GTF2F2: variants seen among roughly 807,000 people sequenced by gnomAD.
GTF2F2 encodes the protein general transcription factor IIF subunit 2.
A neutral mutation model predicts 42.2 loss-of-function variants in GTF2F2; 23 were observed. The observed-to-expected ratio is 0.55, with a 90% CI of 0.39 to 0.77. The LOEUF is 0.77. Ranked by LOEUF, GTF2F2 falls within the 30% of genes least tolerant of loss-of-function variation. GTF2F2 has a pLI of 0.00. For synonymous variants in GTF2F2, 105 were observed against 100.8 expected, an observed-to-expected ratio of 1.04 and a Z score of -0.25; for missense variants, 261 against 287.2, an observed-to-expected ratio of 0.91 and a Z score of 0.66.
intron 4 of GTF2F2, chr13:45,206,456 T>G (rs984895887): frequency 6.6e-6 from 1 of 152,184 alleles, no homozygotes; most frequent in Non-Finnish European, 1.5e-5. Flanking sequence ...TTTGCTAATG[T>G]TAGTGGAATG....
chr13:45,237,301 A>T (rs999004500), intron 5 of GTF2F2, among the ~76,000 whole-genome samples: 7 of 152,196 alleles, frequency 4.6e-5, no homozygotes, highest in African/African-American at 1.4e-4. Flanking sequence ...ATCAGAAGAG[A>T]TAGTGCTTTC....
chr13:45,238,136 A>G (rs1385951750), intron 5 of GTF2F2, among the ~76,000 whole-genome samples: 1 of 152,038 alleles, frequency 6.6e-6, no homozygotes, highest in East Asian at 1.9e-4. Context: ...TGCATATTTA[A>G]TAGAGAAGAG....
At chr13:45,136,107 C>A (rs1869605955) in intron 1 of GTF2F2, among the ~76,000 whole-genome samples, 1 of 152,172 alleles carries the variant, frequency 6.6e-6, no homozygotes, top group South Asian at 2.1e-4. Flanking sequence ...AATTGTATAA[C>A]CTTGAGTAAA....
chr13:45,259,336 G>A (rs1313568021), intron 6 of GTF2F2, among the ~76,000 whole-genome samples: 1 of 152,126 alleles, frequency 6.6e-6, no homozygotes, highest in African/African-American at 2.4e-5. Context: ...TGAGGCAGGA[G>A]AATTGCTTGA....
intron 5 of GTF2F2, among the ~76,000 whole-genome samples, chr13:45,213,662 T>G (rs1019066763): frequency 2.7e-5 from 4 of 147,294 alleles, no homozygotes; most frequent in African/African-American, 1.0e-4. Flanking sequence ...CCCTGTCTCC[T>G]TTCCTTCCTT....
chr13:45,140,927 G>A (rs1328347198), intron 2 of GTF2F2, among the ~76,000 whole-genome samples: 4 of 152,186 alleles, frequency 2.6e-5, no homozygotes, highest in Admixed American at 6.5e-5. Context: ...CTGAATGGCT[G>A]TTGATAGTTG....
At chr13:45,228,687 T>TTTTTTTTTTTTA (rs1874504585) in intron 5 of GTF2F2, among the ~76,000 whole-genome samples, 1 of 148,938 alleles carries the variant, frequency 6.7e-6, no homozygotes, top group South Asian at 2.1e-4. Context: ...TTTTTTTTTT[T>TTTTTTTTTTTTA]GAGACGGAGT....
At chr13:45,131,254 A>G (rs979038281) in intron 1 of GTF2F2, among the ~76,000 whole-genome samples, 9 of 151,858 alleles carry the variant, frequency 5.9e-5, no homozygotes, top group African/African-American at 2.2e-4. Context: ...GGATCCAAGG[A>G]CTGAATCCAG....
intron 2 of GTF2F2, among the ~76,000 whole-genome samples, chr13:45,142,984 T>C (rs1452702036): frequency 2.6e-5 from 4 of 152,204 alleles, no homozygotes; most frequent in Admixed American, 2.6e-4. Flanking sequence ...CTCCTTACTT[T>C]GCCAGTCAGC....
chr13:45,203,550 A>G (rs1025267066), intron 4 of GTF2F2, among the ~76,000 whole-genome samples: 3 of 152,166 alleles, frequency 2.0e-5, no homozygotes, highest in African/African-American at 7.2e-5. Context: ...TTACAACTTA[A>G]CTTTATATCA....
At position 45,207,532 on chromosome 13, in the gene GTF2F2, T is replaced by TA. The variant is rs750761893; in HGVS notation, c.386+28dup. On this transcript the variant is annotated intron_variant, in intron 5 of 7. Transcript: ENST00000340473. ...TTGGTGTTTTGTAACTCCAGAATGA[T>TA]ACCTGATATTTCCCTTTGGGGATTG... The TA allele has an allele frequency of 5.3e-6, 7 of 1,328,910 alleles. No homozygotes were observed. In the Admixed American group the frequency reaches 1.2e-4, roughly 22 times the overall value. 82.3% of individuals were successfully genotyped at this position (1,328,910 alleles called of 1,614,324 possible). A position where few individuals can be genotyped will look rare whatever the true frequency, so the allele number is the denominator to read the frequency against.
At chr13:45,282,190 C>T (rs531492174) in intron 7 of GTF2F2, among the ~76,000 whole-genome samples, 21 of 151,984 alleles carry the variant, frequency 1.4e-4, no homozygotes, top group African/African-American at 5.1e-4. Context: ...AAGAGCAAAA[C>T]TCCATCTCAA....
intron 5 of GTF2F2, among the ~76,000 whole-genome samples, chr13:45,225,880 C>T (rs764233961): frequency 6.6e-6 from 1 of 151,828 alleles, no homozygotes; most frequent in Non-Finnish European, 1.5e-5. Context: ...ATTTTGTTTC[C>T]TCATTGTTTG....
intron 7 of GTF2F2, among the ~76,000 whole-genome samples, chr13:45,276,388 A>C (rs1462602571): frequency 7.9e-5 from 12 of 152,018 alleles, no homozygotes; most frequent in Non-Finnish European, 1.8e-4. Flanking sequence ...TTGGGAGTGG[A>C]ATTGTTCGGT....
chr13:45,280,054 TTC>T (rs1877198319), intron 7 of GTF2F2, among the ~76,000 whole-genome samples: 1 of 152,180 alleles, frequency 6.6e-6, no homozygotes, highest in Non-Finnish European at 1.5e-5. Context: ...TAGAGAAAGT[TTC>T]TCTGAGAAAG....
intron 1 of GTF2F2, among the ~76,000 whole-genome samples, chr13:45,132,231 A>G (rs1227518702): frequency 3.3e-5 from 5 of 152,336 alleles, no homozygotes; most frequent in Admixed American, 3.3e-4. Context: ...GACTCCTGGC[A>G]TGGCTTAGTT....
At chr13:45,258,331 A>G (rs1464728753) in intron 6 of GTF2F2, among the ~76,000 whole-genome samples, 1 of 151,962 alleles carries the variant, frequency 6.6e-6, no homozygotes, top group Non-Finnish European at 1.5e-5. Context: ...AGAAGAGATC[A>G]GGAAGCTGCT....
At chr13:45,249,678 T>G (rs1045672179) in intron 5 of GTF2F2, among the ~76,000 whole-genome samples, 12 of 152,192 alleles carry the variant, frequency 7.9e-5, no homozygotes, top group African/African-American at 2.4e-4. Flanking sequence ...AGGAAGGAGC[T>G]AGTGCATGCC....
intron 4 of GTF2F2, among the ~76,000 whole-genome samples, chr13:45,200,813 T>G (rs1436379765): frequency 6.6e-6 from 1 of 152,236 alleles, no homozygotes; most frequent in African/African-American, 2.4e-5. Context: ...TGGTTTGCCT[T>G]TTAAATGTAC....
Sources: gnomAD v4.1 joint callset for allele counts (sites outside exome capture counted in the v4.1 genomes callset) on GRCh38, gnomAD v4.1.1 for gene constraint, MANE v1.5 for transcripts, NCBI Gene and HGNC (gene_info 2026-07-23, HGNC 2026-07-21) for gene names.